The following DOCK1 variants were observed in gnomAD, a reference collection of about 807,000 sequenced individuals.
DOCK1 encodes dedicator of cytokinesis protein 1.
DOCK1 carries 138 observed loss-of-function variants against 262.7 expected under a neutral mutation model. That is an observed-to-expected ratio of 0.53 (90% CI 0.46 to 0.61). The LOEUF (loss-of-function observed/expected upper bound fraction) is 0.61, where lower values mean the gene tolerates loss of function less well. Among genes scored for constraint, DOCK1 ranks in the 20% least tolerant of loss-of-function variants. The pLI is 0.00. For missense variants in DOCK1, 1,908 were observed against 2,370.7 expected (o/e 0.80, Z 4.05); for synonymous variants, 866 against 867.4 (o/e 1.00, Z 0.03).
chr10:127,170,547 G>A (rs1449064563), intron 27 of DOCK1, among the ~76,000 whole-genome samples: 1 of 152,200 alleles, frequency 6.6e-6, no homozygotes, highest in East Asian at 1.9e-4. Flanking sequence ...GAGACTAAAT[G>A]TTTGGCGTAG....
chr10:127,065,054 T>C (rs182168596), intron 23 of DOCK1, among the ~76,000 whole-genome samples: 1 of 152,250 alleles, frequency 6.6e-6, no homozygotes, highest in East Asian at 1.9e-4. Flanking sequence ...CAGTCTCCCA[T>C]GCTGGAGGGC....
intron 1 of DOCK1, among the ~76,000 whole-genome samples, chr10:126,954,461 T>C (rs939355791): frequency 5.9e-5 from 9 of 152,218 alleles, no homozygotes; most frequent in African/African-American, 1.9e-4. Context: ...TTTGAACCAT[T>C]TTTAGGTGTA....
At chr10:126,985,487 G>A (rs1391668395) in intron 4 of DOCK1, among the ~76,000 whole-genome samples, 2 of 152,176 alleles carry the variant, frequency 1.3e-5, no homozygotes, top group African/African-American at 2.4e-5. Context: ...TACCAGAAGG[G>A]AGGAACCTAA....
intron 29 of DOCK1, 118 bp downstream of exon 29, chr10:127,257,547 T>A: frequency 1.1e-6 from 1 of 886,112 alleles, no homozygotes; most frequent in Non-Finnish European, 1.7e-6. Flanking sequence ...CAAACGCTGT[T>A]CCTAATTCTG....
intron 38 of DOCK1, among the ~76,000 whole-genome samples, chr10:127,397,742 TCC>T (rs1565059072): frequency 9.6e-6 from 1 of 104,224 alleles, no homozygotes; most frequent in African/African-American, 3.9e-5. Context: ...GGGCAGCGAC[TCC>T]TGTATGACAC....
At chr10:127,402,908 A>T in intron 38 of DOCK1, 147 bp from the exon 39 acceptor site, 1 of 822,676 alleles carries the variant, frequency 1.2e-6, no homozygotes, top group Non-Finnish European at 1.9e-6. Flanking sequence ...ACTCAAGAAA[A>T]TATTTGTATT....
At chr10:127,189,466 C>A (rs2056558725) in intron 27 of DOCK1, among the ~76,000 whole-genome samples, 1 of 152,070 alleles carries the variant, frequency 6.6e-6, no homozygotes, top group African/African-American at 2.4e-5. Context: ...GTGTTTTTGC[C>A]ACATGGACAA....
intron 29 of DOCK1, among the ~76,000 whole-genome samples, chr10:127,318,943 T>C (rs1040564784): frequency 1.3e-5 from 2 of 152,180 alleles, no homozygotes; most frequent in African/African-American, 4.8e-5. Flanking sequence ...GTGTGGGTGC[T>C]GGGGCTGTCC....
intron 18 of DOCK1, among the ~76,000 whole-genome samples, chr10:127,033,485 A>G (rs2043383962): frequency 6.6e-6 from 1 of 152,222 alleles, no homozygotes; most frequent in East Asian, 1.9e-4. Context: ...ACATTTAAAA[A>G]TTGAATCTTC....
intron 31 of DOCK1, among the ~76,000 whole-genome samples, chr10:127,350,142 G>A (rs2063814929): frequency 1.3e-5 from 2 of 152,080 alleles, no homozygotes; most frequent in African/African-American, 4.8e-5. Context: ...GTAAGGTTAA[G>A]CATCATTTCA....
At chr10:127,121,439 TGTAGG>T in intron 25 of DOCK1, among the ~76,000 whole-genome samples, 1 of 72,912 alleles carries the variant, frequency 1.4e-5, no homozygotes, top group Non-Finnish European at 3.7e-5. Context: ...GATAGGTCAT[TGTAGG>T]GTATATGTAT....
chr10:127,200,610 C>T (rs911317594), intron 27 of DOCK1, among the ~76,000 whole-genome samples: 2 of 152,034 alleles, frequency 1.3e-5, no homozygotes, highest in Non-Finnish European at 2.9e-5. Context: ...CACCATGTTG[C>T]CCAGGCTGGT....
intron 29 of DOCK1, among the ~76,000 whole-genome samples, chr10:127,274,026 G>A (rs368854432): frequency 6.6e-6 from 1 of 152,180 alleles, no homozygotes; most frequent in Non-Finnish European, 1.5e-5. Flanking sequence ...TATGAGATAC[G>A]CTTGGGGGTA....
chr10:127,405,782 C>T (rs1338478473), intron 40 of DOCK1, among the ~76,000 whole-genome samples: 8 of 150,068 alleles, frequency 5.3e-5, no homozygotes, highest in South Asian at 2.2e-4. Context: ...TGCCTGGTGA[C>T]GGAGGCGTCT....
chr10:127,392,652 C>T (rs967405118), intron 38 of DOCK1, among the ~76,000 whole-genome samples: 5 of 152,166 alleles, frequency 3.3e-5, no homozygotes, highest in Middle Eastern at 3.2e-3. Flanking sequence ...CCACAAAGTT[C>T]CTTATTTGGG....
chr10:126,977,830 T>C, intron 2 of DOCK1, 118 bp from the exon 3 acceptor site: 1 of 964,462 alleles, frequency 1.0e-6, no homozygotes, highest in East Asian at 2.4e-5. Context: ...TGAAAAATGC[T>C]GGTGACAAAC....
At chr10:127,157,194 G>A (rs919961565) in intron 27 of DOCK1, among the ~76,000 whole-genome samples, 2 of 152,236 alleles carry the variant, frequency 1.3e-5, no homozygotes, top group African/African-American at 4.8e-5. Flanking sequence ...GACATTTTTA[G>A]TGAGACCTGG....
At chr10:127,022,171 T>C in intron 13 of DOCK1, among the ~76,000 whole-genome samples, 1 of 151,914 alleles carries the variant, frequency 6.6e-6, no homozygotes, top group East Asian at 1.9e-4. Context: ...CCCATCTCAC[T>C]TTAAAACAGA....
intron 1 of DOCK1, among the ~76,000 whole-genome samples, chr10:126,909,286 A>C (rs901058602): frequency 1.3e-5 from 2 of 152,290 alleles, no homozygotes; most frequent in Admixed American, 1.3e-4. Flanking sequence ...GATCCTGCCA[A>C]CACCCTGAAT....
Sources: allele counts gnomAD v4.1 joint callset (sites outside exome capture counted in the v4.1 genomes callset), GRCh38; gene constraint gnomAD v4.1.1; transcripts MANE v1.5; gene names NCBI Gene and HGNC (gene_info 2026-07-23, HGNC 2026-07-21).